CSMD1: variants seen among roughly 807,000 people sequenced by gnomAD.
CSMD1 encodes the protein CUB and sushi domain-containing protein 1.
Under a neutral mutation model 417.5 loss-of-function variants are expected in CSMD1, and 213 were observed. That is an observed-to-expected ratio of 0.51 (90% CI 0.46 to 0.57). The LOEUF (loss-of-function observed/expected upper bound fraction) is 0.57, where lower values mean the gene tolerates loss of function less well. Ranked by LOEUF, CSMD1 falls within the 20% of genes least tolerant of loss-of-function variation. The pLI is 0.00. For synonymous variants in CSMD1, 2,862 were observed against 1,736.8 expected (o/e 1.65, Z -16.11); for missense variants, 6,923 against 4,529.7 (o/e 1.53, Z -15.17).
intron 52 of CSMD1, among the ~76,000 whole-genome samples, chr8:3,017,160 G>A (rs13276110): frequency 0.17 from 26,068 of 152,194 alleles, 2,668 homozygotes; most frequent in Non-Finnish European, 0.23. Context: ...ATTACTAATA[G>A]AGATGTGGTA....
intron 12 of CSMD1, among the ~76,000 whole-genome samples, chr8:3,417,166 A>G (rs1367120924): frequency 1.3e-5 from 2 of 152,212 alleles, no homozygotes; most frequent in African/African-American, 4.8e-5. Flanking sequence ...CTTTGTTACC[A>G]TGAAGAGTTG....
intron 6 of CSMD1, among the ~76,000 whole-genome samples, chr8:3,721,351 G>A (rs969392083): frequency 6.6e-6 from 1 of 152,020 alleles, no homozygotes; most frequent in East Asian, 1.9e-4. Context: ...TACTAGTGAC[G>A]GCAGATGAAA....
chr8:4,649,194 C>T (rs1210020924), intron 1 of CSMD1, among the ~76,000 whole-genome samples: 1 of 152,188 alleles, frequency 6.6e-6, no homozygotes, highest in Non-Finnish European at 1.5e-5. Context: ...TTATAATCTA[C>T]TGACTGCTAT....
chr8:4,898,006 G>C (rs996244376), intron 1 of CSMD1, among the ~76,000 whole-genome samples: 1 of 152,010 alleles, frequency 6.6e-6, no homozygotes, highest in African/African-American at 2.4e-5. Flanking sequence ...CTCTGTACTG[G>C]AAAAACAGAC....
intron 6 of CSMD1, among the ~76,000 whole-genome samples, chr8:3,750,534 A>G (rs553236722): frequency 6.6e-6 from 1 of 152,236 alleles, no homozygotes; most frequent in African/African-American, 2.4e-5. Context: ...TTGTTGGCAC[A>G]AATAATATCA....
intron 2 of CSMD1, among the ~76,000 whole-genome samples, chr8:4,427,293 T>A (rs57771239): frequency 0.17 from 25,515 of 152,044 alleles, 2,252 homozygotes; most frequent in South Asian, 0.28. Flanking sequence ...GGTGAGCAGG[T>A]CTTGGTACTG....
chr8:3,721,037 G>T (rs904628426), intron 6 of CSMD1, among the ~76,000 whole-genome samples: 1 of 151,912 alleles, frequency 6.6e-6, no homozygotes, highest in Non-Finnish European at 1.5e-5. Context: ...TAGTCACGCT[G>T]GTCTCAAACT....
intron 1 of CSMD1, among the ~76,000 whole-genome samples, chr8:4,925,798 C>T (rs557547802): frequency 2.6e-5 from 4 of 152,122 alleles, no homozygotes; most frequent in Non-Finnish European, 5.9e-5. Context: ...CCGCCCTCCT[C>T]GGCCTCCCAA....
chr8:4,326,421 C>A (rs952522785), intron 3 of CSMD1, among the ~76,000 whole-genome samples: 2 of 152,022 alleles, frequency 1.3e-5, no homozygotes, highest in Non-Finnish European at 2.9e-5. Flanking sequence ...ATGGGAAAAC[C>A]AATTAGGCAG....
chr8:4,614,933 T>A (rs914975458), intron 2 of CSMD1, among the ~76,000 whole-genome samples: 1 of 152,208 alleles, frequency 6.6e-6, no homozygotes, highest in Non-Finnish European at 1.5e-5. Context: ...TTTTCAAATA[T>A]GTTATGAATT....
intron 5 of CSMD1, among the ~76,000 whole-genome samples, chr8:3,894,362 T>C (rs2129129364): frequency 6.6e-6 from 1 of 152,272 alleles, no homozygotes; most frequent in East Asian, 1.9e-4. Flanking sequence ...ATTAAATGGG[T>C]GTTGCAACTC....
At chr8:4,689,960 G>A (rs976008305) in intron 1 of CSMD1, among the ~76,000 whole-genome samples, 1 of 152,160 alleles carries the variant, frequency 6.6e-6, no homozygotes, top group African/African-American at 2.4e-5. Context: ...GAAGTGGGCT[G>A]TATTACTGCC....
intron 20 of CSMD1, among the ~76,000 whole-genome samples, chr8:3,366,713 G>C (rs17065959): frequency 0.15 from 23,280 of 152,158 alleles, 1,852 homozygotes; most frequent in East Asian, 0.22. Context: ...ACTTTCCTCA[G>C]AGATCTTGTA....
chr8:3,794,990 T>C (rs546467329), intron 5 of CSMD1, among the ~76,000 whole-genome samples: 1 of 151,560 alleles, frequency 6.6e-6, no homozygotes, highest in South Asian at 2.1e-4. Context: ...TATATCTATC[T>C]ATCATGTATA....
intron 1 of CSMD1, among the ~76,000 whole-genome samples, chr8:4,807,422 C>T (rs1020692053): frequency 6.6e-6 from 1 of 152,114 alleles, no homozygotes; most frequent in Non-Finnish European, 1.5e-5. Context: ...CAAACATTCT[C>T]ACAAAAATGA....
intron 2 of CSMD1, among the ~76,000 whole-genome samples, chr8:4,438,970 G>C (rs184029447): frequency 1.3e-5 from 2 of 152,150 alleles, no homozygotes; most frequent in African/African-American, 4.8e-5. Flanking sequence ...AGTCATGAGC[G>C]CTTCATCAGT....
At chr8:2,947,644 A>G (rs370782616) in intron 68 of CSMD1, among the ~76,000 whole-genome samples, 14 of 152,314 alleles carry the variant, frequency 9.2e-5, no homozygotes, top group African/African-American at 3.4e-4. Flanking sequence ...AGACATCTAC[A>G]CAGCATCCTG....
At chr8:4,264,176 G>A (rs914350572) in intron 3 of CSMD1, among the ~76,000 whole-genome samples, 4 of 152,166 alleles carry the variant, frequency 2.6e-5, no homozygotes, top group Admixed American at 6.6e-5. Context: ...TGCAGAAGCT[G>A]TTATGTGGTG....
At chr8:4,977,891 C>T (rs1360677321) in intron 1 of CSMD1, among the ~76,000 whole-genome samples, 1 of 152,228 alleles carries the variant, frequency 6.6e-6, no homozygotes, top group Non-Finnish European at 1.5e-5. Flanking sequence ...ACTTAATCAA[C>T]TCATTCATTC....
Sources: gnomAD v4.1 joint callset for allele counts (sites outside exome capture counted in the v4.1 genomes callset) on GRCh38, gnomAD v4.1.1 for gene constraint, MANE v1.5 for transcripts, NCBI Gene and HGNC (gene_info 2026-07-23, HGNC 2026-07-21) for gene names.